The following ASTN1 variants were observed in gnomAD, a reference collection of about 807,000 sequenced individuals.
ASTN1 encodes astrotactin-1.
ASTN1 carries 41 observed loss-of-function variants against 140.7 expected under a neutral mutation model. That is an observed-to-expected ratio of 0.29 (90% CI 0.23 to 0.38). ASTN1 has a LOEUF of 0.38. Ranked by LOEUF, ASTN1 falls within the 10% of genes least tolerant of loss-of-function variation. The pLI, the probability that ASTN1 is intolerant of heterozygous loss-of-function variation, is 1.00. For missense variants in ASTN1, 1,479 were observed against 1,678.8 expected (o/e 0.88, Z 2.08); for synonymous variants, 640 against 652.2 (o/e 0.98, Z 0.29).
intron 8 of ASTN1, among the ~76,000 whole-genome samples, chr1:176,969,783 A>T (rs151099562): frequency 1.3e-5 from 2 of 152,278 alleles, no homozygotes; most frequent in Non-Finnish European, 2.9e-5. Flanking sequence ...AACCACTCAC[A>T]TCTTTTTAGT....
At chr1:177,097,602 A>C (rs1328818732) in intron 1 of ASTN1, among the ~76,000 whole-genome samples, 1 of 152,186 alleles carries the variant, frequency 6.6e-6, no homozygotes, top group Non-Finnish European at 1.5e-5. Flanking sequence ...GAATTTCCTT[A>C]ATGATAAGGG....
At chr1:176,918,310 G>C (rs1309392069) in intron 16 of ASTN1, among the ~76,000 whole-genome samples, 2 of 152,150 alleles carry the variant, frequency 1.3e-5, no homozygotes, top group African/African-American at 4.8e-5. Flanking sequence ...GAATTCACCA[G>C]AACTCACAGA....
At chr1:176,957,412 A>C (rs1046955952) in intron 11 of ASTN1, among the ~76,000 whole-genome samples, 1 of 152,154 alleles carries the variant, frequency 6.6e-6, no homozygotes, top group Admixed American at 6.5e-5. Context: ...AATGTCATAC[A>C]ATTAAGCAAT....
At chr1:176,905,457 C>G (rs1399183425) in intron 16 of ASTN1, among the ~76,000 whole-genome samples, 1 of 152,194 alleles carries the variant, frequency 6.6e-6, no homozygotes, top group East Asian at 1.9e-4. Context: ...TTGTAAGAGT[C>G]TCCATTTTCC....
intron 1 of ASTN1, among the ~76,000 whole-genome samples, chr1:177,148,022 T>C (rs1263411359): frequency 6.6e-6 from 1 of 152,140 alleles, no homozygotes. Flanking sequence ...AGACCCACAG[T>C]TGGAGCCCAA....
At chr1:177,092,120 A>G (rs537975753) in intron 1 of ASTN1, among the ~76,000 whole-genome samples, 20 of 152,302 alleles carry the variant, frequency 1.3e-4, no homozygotes, top group South Asian at 6.2e-4. Context: ...TCCCACCAGC[A>G]AGGTACAAGA....
intron 17 of ASTN1, among the ~76,000 whole-genome samples, chr1:176,892,399 A>G (rs1669305540): frequency 6.6e-6 from 1 of 152,186 alleles, no homozygotes; most frequent in African/African-American, 2.4e-5. Flanking sequence ...TTCAAGAGGT[A>G]TTTGTGGCTC....
At chr1:177,066,224 A>G (rs1057494175) in intron 1 of ASTN1, among the ~76,000 whole-genome samples, 5 of 152,178 alleles carry the variant, frequency 3.3e-5, no homozygotes, top group African/African-American at 1.2e-4. Flanking sequence ...AGAGCCTTCC[A>G]GAGCCAGGCC....
intron 16 of ASTN1, among the ~76,000 whole-genome samples, chr1:176,896,351 C>G (rs1208550996): frequency 6.6e-6 from 1 of 152,126 alleles, no homozygotes; most frequent in Non-Finnish European, 1.5e-5. Flanking sequence ...CTACTCAAAC[C>G]AAAAATAAGA....
chr1:176,885,557 G>C (rs1571457371), intron 18 of ASTN1, among the ~76,000 whole-genome samples: 1 of 151,984 alleles, frequency 6.6e-6, no homozygotes, highest in Non-Finnish European at 1.5e-5. Context: ...TCTCATCCTT[G>C]GTTCCCAGAT....
intron 8 of ASTN1, among the ~76,000 whole-genome samples, chr1:176,999,221 A>G (rs1448805980): frequency 3.3e-5 from 5 of 152,220 alleles, no homozygotes; most frequent in Non-Finnish European, 7.3e-5. Flanking sequence ...TGCCTTCTCC[A>G]GAGAAAGAGG....
chr1:177,055,963 C>T (rs1020680990), intron 2 of ASTN1, among the ~76,000 whole-genome samples: 16 of 152,278 alleles, frequency 1.1e-4, no homozygotes, highest in African/African-American at 3.6e-4. Context: ...GTTGATGACA[C>T]ACAGTGACTG....
chr1:177,084,979 G>T (rs1318750571), intron 1 of ASTN1, among the ~76,000 whole-genome samples: 2 of 152,110 alleles, frequency 1.3e-5, no homozygotes, highest in Non-Finnish European at 2.9e-5. Context: ...CTTCTAACTG[G>T]ACCAAGAGCC....
At chr1:177,032,382 C>A in intron 3 of ASTN1, 74 bp downstream of exon 3, 1 of 1,548,136 alleles carries the variant, frequency 6.5e-7, no homozygotes, top group Non-Finnish European at 8.8e-7. Context: ...TGTTGTCACA[C>A]AGCTGTTCCT....
intron 2 of ASTN1, among the ~76,000 whole-genome samples, chr1:177,054,854 G>A (rs891918235): frequency 2.0e-5 from 3 of 152,162 alleles, no homozygotes; most frequent in Non-Finnish European, 4.4e-5. Context: ...ATAGCAAGAG[G>A]AGCAATAGAA....
In ASTN1 at chr1:177,106,040, G is replaced by A. The variant is rs541556614; in HGVS notation, c.284-44775C>T. On this transcript the variant is annotated intron_variant, in intron 1 of 22. Transcript: ENST00000361833. ...CAAAAACAAAAACATGCAGTACAGA[G>A]AGGTTATGGGCTTCTTAAGGCCACG... 5.9e-5 allele frequency among the ~76,000 whole-genome samples: 9 copies of A among 152,218 alleles called. No homozygotes were observed. In the South Asian group the frequency reaches 1.7e-3, roughly 28 times the overall value.
intron 1 of ASTN1, among the ~76,000 whole-genome samples, chr1:177,079,590 C>A (rs1327071477): frequency 1.3e-5 from 2 of 152,070 alleles, no homozygotes; most frequent in Non-Finnish European, 2.9e-5. Context: ...GCCCTCAACT[C>A]TCTCCTTTCT....
chr1:176,874,371 T>A (rs1211378488), intron 21 of ASTN1, among the ~76,000 whole-genome samples: 2 of 152,188 alleles, frequency 1.3e-5, no homozygotes, highest in Non-Finnish European at 2.9e-5. Flanking sequence ...GGTATGTAAC[T>A]TGAACAGTCT....
At chr1:177,066,361 G>A (rs1678354099) in intron 1 of ASTN1, among the ~76,000 whole-genome samples, 1 of 152,342 alleles carries the variant, frequency 6.6e-6, no homozygotes, top group South Asian at 2.1e-4. Context: ...GAGATCTTGG[G>A]CAGGGAAAGT....
Sources: gnomAD v4.1 joint callset for allele counts (sites outside exome capture counted in the v4.1 genomes callset) on GRCh38, gnomAD v4.1.1 for gene constraint, MANE v1.5 for transcripts, NCBI Gene and HGNC (gene_info 2026-07-23, HGNC 2026-07-21) for gene names.